The following DNAJB6 variants were observed in gnomAD, a reference collection of about 807,000 sequenced individuals.
The protein encoded by DNAJB6 is dnaJ homolog subfamily B member 6.
DNAJB6 carries 16 observed loss-of-function variants against 42.7 expected under a neutral mutation model. That is an observed-to-expected ratio of 0.37 (90% CI 0.25 to 0.57). DNAJB6 has a LOEUF of 0.57. Among genes scored for constraint, DNAJB6 ranks in the 20% least tolerant of loss-of-function variants. The pLI is 0.74. For missense variants in DNAJB6, 347 were observed against 416.8 expected (o/e 0.83, Z 1.46); for synonymous variants, 170 against 163.5 (o/e 1.04, Z -0.30).
intron 1 of DNAJB6, among the ~76,000 whole-genome samples, chr7:157,355,100 A>C (rs930629368): frequency 6.6e-6 from 1 of 152,200 alleles, no homozygotes; most frequent in African/African-American, 2.4e-5. Flanking sequence ...ATGAAAACCC[A>C]CATGTAGGAT....
chr7:157,367,894 G>A (rs1413805158), intron 5 of DNAJB6, among the ~76,000 whole-genome samples: 2 of 151,652 alleles, frequency 1.3e-5, no homozygotes, highest in Admixed American at 6.6e-5. Flanking sequence ...ATTTTGTCAC[G>A]AAACTTTGTG....
At chr7:157,354,416 G>T (rs1017783244) in intron 1 of DNAJB6, among the ~76,000 whole-genome samples, 2 of 152,090 alleles carry the variant, frequency 1.3e-5, no homozygotes, top group African/African-American at 2.4e-5. Context: ...CAAAGTGCTG[G>T]GATTACAGGT....
intron 8 of DNAJB6, among the ~76,000 whole-genome samples, chr7:157,397,372 G>A (rs1383664983): frequency 6.6e-6 from 1 of 152,236 alleles, no homozygotes; most frequent in Non-Finnish European, 1.5e-5. Flanking sequence ...CGGGTGAATG[G>A]TGTCCTGCAG....
In DNAJB6 at chr7:157,405,551, C is replaced by T. The variant is rs115180933; in HGVS notation, c.692-4244C>T. On this transcript the variant is annotated intron_variant, in intron 8 of 9. Transcript: ENST00000262177. Reference sequence around the variant, plus strand: ...TCTGTGGGGATCCACAGAGAGTTCACGCAGTGGCCCTGTCAGCCCTGAACA... The same window carrying T: ...TCTGTGGGGATCCACAGAGAGTTCATGCAGTGGCCCTGTCAGCCCTGAACA... Among the ~76,000 whole-genome samples, 881 of 152,300 alleles carry T rather than the reference C, an allele frequency of 5.8e-3. 7 individuals are homozygous for T. Among genetic ancestry groups the T allele is most frequent in the Middle Eastern group, 0.031 (9 of 294 alleles).
Position 157,359,021 on chromosome 7 carries a change from A to G in DNAJB6, c.65+384A>G, listed in dbSNP as rs537676840. Reference sequence around the variant, plus strand: ...TGATTGTTGGGCTCCGGCCTATGCCACTGGAGTCCCTTCTGATTCATATGA... The same window carrying G: ...TGATTGTTGGGCTCCGGCCTATGCCGCTGGAGTCCCTTCTGATTCATATGA... On this transcript the variant is annotated intron_variant, in intron 2 of 9. Coordinates refer to ENST00000262177, the MANE Select transcript of DNAJB6 (RefSeq NM_058246.4). Among the ~76,000 whole-genome samples, 20 of 152,298 alleles carry G rather than the reference A, an allele frequency of 1.3e-4. No homozygotes were observed. In the South Asian group the frequency reaches 4.1e-3, roughly 32 times the overall value.
chr7:157,387,003 T>G (rs1442552819), intron 8 of DNAJB6, among the ~76,000 whole-genome samples: 1 of 148,144 alleles, frequency 6.8e-6, no homozygotes, highest in African/African-American at 2.4e-5. Flanking sequence ...AACTAGACTT[T>G]GACTGAATTT....
chr7:157,394,541 T>C (rs765551715), intron 8 of DNAJB6, among the ~76,000 whole-genome samples: 7 of 149,164 alleles, frequency 4.7e-5, no homozygotes, highest in Non-Finnish European at 8.9e-5. Context: ...AAAAAAAAAG[T>C]TGAAAATATG....
At chr7:157,403,201 A>G (rs1795603793) in intron 8 of DNAJB6, among the ~76,000 whole-genome samples, 1 of 152,182 alleles carries the variant, frequency 6.6e-6, no homozygotes, top group African/African-American at 2.4e-5. Context: ...TGAATACACA[A>G]TCCACATATG....
intron 1 of DNAJB6, among the ~76,000 whole-genome samples, chr7:157,341,635 T>C (rs544591761): frequency 2.6e-5 from 4 of 152,356 alleles, no homozygotes; most frequent in Non-Finnish European, 4.4e-5. Context: ...CTAATACTTA[T>C]TCCTCTCTGC....
chr7:157,358,495 G>T (rs1799419925), intron 1 of DNAJB6, 52 bp from the exon 2 acceptor site: 4 of 1,217,178 alleles, frequency 3.3e-6, no homozygotes, highest in Admixed American at 3.4e-5. Context: ...CCACCACCGT[G>T]ATTTGCCCAT....
At chr7:157,368,701 A>G (rs1799961742) in intron 5 of DNAJB6, 1 of 154,464 alleles carries the variant, frequency 6.5e-6, no homozygotes, top group African/African-American at 2.4e-5. Context: ...GCACTGGGTG[A>G]CCTGAGAGGT....
At chr7:157,361,286 G>A (rs558692380) in intron 2 of DNAJB6, among the ~76,000 whole-genome samples, 1 of 151,936 alleles carries the variant, frequency 6.6e-6, no homozygotes, top group South Asian at 2.1e-4. Context: ...AGCCTCCCGA[G>A]TAGGTGGAAC....
intron 4 of DNAJB6, 103 bp from the exon 5 acceptor site, chr7:157,367,264 ATTTTTG>A (rs1385425985): frequency 1.1e-5 from 8 of 735,208 alleles, no homozygotes; most frequent in Admixed American, 2.2e-5. Flanking sequence ...TTTATGAAAT[ATTTTTG>A]TTTTTATTAG....
chr7:157,380,808 A>G (rs957441957), intron 5 of DNAJB6: 2 of 152,312 alleles, frequency 1.3e-5, no homozygotes, highest in African/African-American at 2.4e-5. Context: ...GACGAGCTCT[A>G]TAGTAGTCCG....
At chr7:157,395,415 G>A (rs1266824939) in intron 8 of DNAJB6, among the ~76,000 whole-genome samples, 4 of 152,094 alleles carry the variant, frequency 2.6e-5, no homozygotes, top group African/African-American at 7.2e-5. Context: ...TTTTTCCTGC[G>A]TATGCAGGAG....
intron 5 of DNAJB6, chr7:157,369,408 CATG>C (rs1563127648): frequency 1.5e-5 from 7 of 456,554 alleles, no homozygotes; most frequent in Admixed American, 1.2e-4. Flanking sequence ...CGGTGATTCT[CATG>C]GTGACCAAGC....
Position 157,367,389 on chromosome 7 carries a change from C to T in DNAJB6, c.252C>T (p.Asp84=), listed in dbSNP as rs766657033. 1.2e-6 allele frequency: 2 copies of T among 1,611,056 alleles called. No homozygotes were observed. The highest frequency in any genetic ancestry group is 1.7e-6 in the Non-Finnish European group (2 of 1,177,200). ...NGGGGGGSHF[D]SPFEFGFTFR... is the part of the protein sequence containing the mutation. ...TTTGTGCAGGTGGAAGTCATTTTGA[C>T]AGTCCATTTGAATTTGGCTTCACAT... Residue 84 remains aspartate, a synonymous_variant, in exon 5 of 10, where the codon GAC becomes GAT. Coordinates refer to ENST00000262177, the MANE Select transcript of DNAJB6 (RefSeq NM_058246.4).
At chr7:157,348,544 G>T (rs764868813) in intron 1 of DNAJB6, among the ~76,000 whole-genome samples, 11 of 152,232 alleles carry the variant, frequency 7.2e-5, no homozygotes, top group African/African-American at 2.4e-5. Context: ...TCCTGTCTGC[G>T]CTTGGTTGCA....
chr7:157,367,049 TG>T (rs749933541), intron 4 of DNAJB6, among the ~76,000 whole-genome samples: 1 of 152,328 alleles, frequency 6.6e-6, no homozygotes, highest in Non-Finnish European at 1.5e-5. Context: ...TCGAAGTGGA[TG>T]CAGATACTCT....
Sources: allele counts gnomAD v4.1 joint callset (sites outside exome capture counted in the v4.1 genomes callset), GRCh38; gene constraint gnomAD v4.1.1; transcripts MANE v1.5; gene names NCBI Gene and HGNC (gene_info 2026-07-23, HGNC 2026-07-21).